KIF6: variants seen among roughly 807,000 people sequenced by gnomAD.
KIF6 encodes the protein kinesin-like protein KIF6.
KIF6 carries 106 observed loss-of-function variants against 112.7 expected under a neutral mutation model. The ratio of observed to expected loss-of-function variants is 0.94; its 90% CI spans 0.80 to 1.11. The LOEUF is 1.11. KIF6 is among the 50% of genes least tolerant of loss of function. The probability of loss-of-function intolerance (pLI) is 0.00; values close to 1 mark genes in which losing one functional copy is unlikely to be tolerated. For missense variants in KIF6, 929 were observed against 964.0 expected (o/e 0.96, Z 0.48); for synonymous variants, 339 against 339.9 (o/e 1.00, Z 0.03).
chr6:39,357,131 CT>C (rs1473161203), intron 19 of KIF6, 145 bp downstream of exon 19: 2 of 565,198 alleles, frequency 3.5e-6, no homozygotes, highest in Non-Finnish European at 6.2e-6. Context: ...TCTTGAGTAT[CT>C]ACGACTAATT....
chr6:39,596,284 AATT>A (rs1174320133), intron 6 of KIF6, 24 bp from the exon 7 acceptor site: 33 of 1,458,876 alleles, frequency 2.3e-5, no homozygotes, highest in Non-Finnish European at 3.1e-5. Context: ...GCAAAACAAA[AATT>A]ATTTGAACAA....
chr6:39,648,223 C>CGGGG (rs34604470), intron 3 of KIF6, among the ~76,000 whole-genome samples: 2 of 61,714 alleles, frequency 3.2e-5, no homozygotes, highest in Non-Finnish European at 6.2e-5. Flanking sequence ...GGGGGGCGGG[C>CGGGG]GGGGGGGGGT....
intron 3 of KIF6, among the ~76,000 whole-genome samples, chr6:39,700,501 T>C (rs1788817955): frequency 6.6e-6 from 1 of 152,240 alleles, no homozygotes; most frequent in Non-Finnish European, 1.5e-5. Flanking sequence ...ATATATACAA[T>C]GCATTTTAAT....
chr6:39,640,441 T>G (rs1167352189), intron 3 of KIF6, among the ~76,000 whole-genome samples: 2 of 152,126 alleles, frequency 1.3e-5, no homozygotes, highest in African/African-American at 4.8e-5. Context: ...CTTTCAAAAC[T>G]GTGTCTTTAA....
At chr6:39,535,273 G>C (rs1401054815) in intron 13 of KIF6, among the ~76,000 whole-genome samples, 1 of 152,108 alleles carries the variant, frequency 6.6e-6, no homozygotes, top group African/African-American at 2.4e-5. Flanking sequence ...CTGGCAAATG[G>C]GATAAAGAGT....
chr6:39,707,847 AG>A (rs1789304394), intron 3 of KIF6, among the ~76,000 whole-genome samples: 1 of 152,176 alleles, frequency 6.6e-6, no homozygotes. Context: ...CTTTCTCAGA[AG>A]GGATAACTGA....
intron 3 of KIF6, among the ~76,000 whole-genome samples, chr6:39,675,695 C>T (rs1040815175): frequency 4.0e-5 from 6 of 151,642 alleles, no homozygotes; most frequent in Admixed American, 6.6e-5. Context: ...ATATAATAGA[C>T]ATGTTTAAAA....
intron 3 of KIF6, among the ~76,000 whole-genome samples, chr6:39,647,948 T>A (rs1289891829): frequency 6.6e-6 from 1 of 151,782 alleles, no homozygotes; most frequent in East Asian, 1.9e-4. Context: ...TGAACTCAGG[T>A]GATCCACCCA....
intron 22 of KIF6, among the ~76,000 whole-genome samples, chr6:39,337,175 CTTT>C (rs1392729503): frequency 0.025 from 1,456 of 57,646 alleles, 66 homozygotes; most frequent in African/African-American, 0.059. Flanking sequence ...TTCCTTCCTT[CTTT>C]CTTTCTTTCT....
chr6:39,402,991 T>A (rs1461305539), intron 15 of KIF6, among the ~76,000 whole-genome samples: 1 of 152,106 alleles, frequency 6.6e-6, no homozygotes. Flanking sequence ...CACCACAACC[T>A]GTATCATCAA....
intron 16 of KIF6, among the ~76,000 whole-genome samples, chr6:39,365,178 C>T (rs1395840646): frequency 6.6e-6 from 1 of 152,224 alleles, no homozygotes; most frequent in African/African-American, 2.4e-5. Context: ...AACTGGATCA[C>T]GATTCTGTCT....
chr6:39,477,144 G>A (rs1303943276), intron 13 of KIF6, among the ~76,000 whole-genome samples: 3 of 152,070 alleles, frequency 2.0e-5, no homozygotes, highest in African/African-American at 7.2e-5. Flanking sequence ...TATGAGAAAA[G>A]CAAATTAGAG....
intron 3 of KIF6, among the ~76,000 whole-genome samples, chr6:39,680,331 A>G (rs1257217741): frequency 2.6e-5 from 4 of 152,198 alleles, no homozygotes; most frequent in Admixed American, 2.0e-4. Flanking sequence ...TTAATTCAGA[A>G]AACTATCAGC....
rs193160714 is a variant in KIF6, at chr6:39,422,154, T to G, written c.1755-2151A>C. On this transcript the variant is annotated intron_variant, in intron 14 of 22. Transcript: ENST00000287152. ...AAACTGCTGAAATTCACACTGAAAT[T>G]CACATCAATGCTGGAGGAAACCAGA... is the stretch of plus-strand genomic sequence containing the variant. Among the ~76,000 whole-genome samples the G allele has an allele frequency of 2.5e-3, 380 of 152,216 alleles. 2 individuals carry two copies. The highest frequency in any genetic ancestry group is 8.5e-3 in the African/African-American group (353 of 41,526).
At chr6:39,688,830 CACTGTAGAAAATTCTTAGA>C (rs1225531749) in intron 3 of KIF6, among the ~76,000 whole-genome samples, 9 of 152,194 alleles carry the variant, frequency 5.9e-5, no homozygotes, top group Non-Finnish European at 1.2e-4. Context: ...GAAGGATATT[CACTGTAGAAAATTCTTAGA>C]AATAGCAACC....
intron 7 of KIF6, among the ~76,000 whole-genome samples, chr6:39,590,881 T>C (rs1781913539): frequency 6.6e-6 from 1 of 152,146 alleles, no homozygotes. Context: ...AGGAAAGGCT[T>C]TAGATTAGAA....
At chr6:39,381,091 A>G (rs1766892103) in intron 16 of KIF6, among the ~76,000 whole-genome samples, 1 of 152,156 alleles carries the variant, frequency 6.6e-6, no homozygotes, top group Admixed American at 6.5e-5. Flanking sequence ...CATTACCACT[A>G]AATCTTTGTT....
At chr6:39,640,842 A>G (rs1784863349) in intron 3 of KIF6, among the ~76,000 whole-genome samples, 1 of 152,146 alleles carries the variant, frequency 6.6e-6, no homozygotes, top group South Asian at 2.1e-4. Flanking sequence ...AACTAACAAT[A>G]ATATCTTCAG....
intron 13 of KIF6, among the ~76,000 whole-genome samples, chr6:39,484,853 G>T (rs749894039): frequency 4.6e-5 from 7 of 152,156 alleles, no homozygotes; most frequent in Non-Finnish European, 7.3e-5. Context: ...TGGGAAGCTT[G>T]CATCTGTGAC....
Sources: gnomAD v4.1 joint callset for allele counts (sites outside exome capture counted in the v4.1 genomes callset) on GRCh38, gnomAD v4.1.1 for gene constraint, MANE v1.5 for transcripts, NCBI Gene and HGNC (gene_info 2026-07-23, HGNC 2026-07-21) for gene names.